The following LRCH2 variants were observed in gnomAD, a reference collection of about 807,000 sequenced individuals.
LRCH2 encodes the protein leucine-rich repeat and calponin homology domain-containing protein 2.
LRCH2 carries 38 observed loss-of-function variants against 68.9 expected under a neutral mutation model. The ratio of observed to expected loss-of-function variants is 0.55; its 90% CI spans 0.43 to 0.72. LRCH2 has a LOEUF of 0.72. Among genes scored for constraint, LRCH2 ranks in the 30% least tolerant of loss-of-function variants. LRCH2 has a pLI of 0.00. For missense variants in LRCH2, 528 were observed against 572.9 expected (o/e 0.92, Z 0.80); for synonymous variants, 191 against 208.1 (o/e 0.92, Z 0.71).
At chrX:115,169,567 T>C (rs1228765916) in intron 6 of LRCH2, among the ~76,000 whole-genome samples, 1 of 111,592 alleles carries the variant, frequency 9.0e-6, no homozygotes, top group Non-Finnish European at 1.9e-5. Context: ...CTGTTAACAA[T>C]AGTACTTACT....
intron 1 of LRCH2, among the ~76,000 whole-genome samples, chrX:115,195,223 G>T (rs2072878516): frequency 9.2e-6 from 1 of 108,997 alleles, no homozygotes; most frequent in African/African-American, 3.4e-5. Flanking sequence ...GGCAGAGATT[G>T]CAGTGAGCCG....
intron 5 of LRCH2, among the ~76,000 whole-genome samples, chrX:115,174,697 A>G (rs1207524706): frequency 9.1e-6 from 1 of 109,959 alleles, no homozygotes; most frequent in African/African-American, 3.3e-5. Flanking sequence ...TAATGTTGCA[A>G]TGAACATGGG....
intron 14 of LRCH2, chrX:115,138,918 AC>A (rs1168704837): frequency 8.9e-6 from 1 of 112,228 alleles, no homozygotes; most frequent in Admixed American, 9.5e-5. Flanking sequence ...AAGTTTTATT[AC>A]ATCTAAATTC....
chrX:115,218,248 TAATG>T (rs1332257323), intron 1 of LRCH2, among the ~76,000 whole-genome samples: 9 of 112,608 alleles, frequency 8.0e-5, no homozygotes, highest in Non-Finnish European at 1.5e-4. Context: ...TTATTCTGAT[TAATG>T]AAGTAACCAA....
chrX:115,146,380 T>C (rs1159897600), intron 14 of LRCH2, among the ~76,000 whole-genome samples: 1 of 110,699 alleles, frequency 9.0e-6, no homozygotes, highest in Non-Finnish European at 1.9e-5. Context: ...GGGGTGACTA[T>C]AGTCAATAAT....
intron 15 of LRCH2, among the ~76,000 whole-genome samples, chrX:115,127,375 T>C (rs1269393289): frequency 8.9e-6 from 1 of 111,949 alleles, no homozygotes; most frequent in Non-Finnish European, 1.9e-5. Flanking sequence ...ACTATTCTAC[T>C]GCCAACCAAA....
At chrX:115,181,008 G>A (rs1362395715) in intron 3 of LRCH2, among the ~76,000 whole-genome samples, 3 of 111,460 alleles carry the variant, frequency 2.7e-5, no homozygotes, top group Non-Finnish European at 5.6e-5. Context: ...GCAATAGTGG[G>A]GAGGGATACT....
intron 14 of LRCH2, among the ~76,000 whole-genome samples, chrX:115,143,519 C>G (rs1264132145): frequency 9.0e-6 from 1 of 111,169 alleles, no homozygotes; most frequent in Non-Finnish European, 1.9e-5. Flanking sequence ...TGCCTGGGAC[C>G]TGAGGGCTTC....
In LRCH2 at chrX:115,135,703, G is replaced by T. The variant is rs781990406; in HGVS notation, c.1696-5504C>A. 9.4e-4 allele frequency among the ~76,000 whole-genome samples: 104 copies of T among 111,215 alleles called. 2 individuals carry two copies. In the South Asian group the frequency reaches 0.039, roughly 42 times the overall value. On this transcript the variant is annotated intron_variant, in intron 14 of 20. Coordinates refer to ENST00000317135, the MANE Select transcript of LRCH2 (RefSeq NM_020871.4). ...ACGTAAAATGCTATCTAACAGCATC[G>T]CATGCTACAGAGAAATCTGTTGTGA...
intron 5 of LRCH2, among the ~76,000 whole-genome samples, chrX:115,178,798 C>A (rs1180999273): frequency 1.8e-5 from 2 of 112,265 alleles, no homozygotes; most frequent in Non-Finnish European, 3.8e-5. Context: ...CATAAAGTAC[C>A]ATTTCACTGC....
At position 115,173,570 on chromosome X, in the gene LRCH2, A is replaced by AC. The variant is rs200605697; in HGVS notation, c.865-3139dup. Among the ~76,000 whole-genome samples, 948 of 111,232 alleles carry AC rather than the reference A, an allele frequency of 8.5e-3. 13 individuals are homozygous for AC. Among genetic ancestry groups the AC allele is most frequent in the African/African-American group, 0.03 (908 of 30,582 alleles). ...CTGAACTTTTTACTGAAGCTATGCAACCCCCCCAGCCTTCCAAGAAGGTTT... is the reference window on the plus strand; with the variant it reads ...CTGAACTTTTTACTGAAGCTATGCAACCCCCCCCAGCCTTCCAAGAAGGTTT... On this transcript the variant is annotated intron_variant, in intron 5 of 20. Transcript: ENST00000317135.
At chrX:115,115,042 T>A (rs1363247567) in intron 20 of LRCH2, among the ~76,000 whole-genome samples, 2 of 110,935 alleles carry the variant, frequency 1.8e-5, no homozygotes, top group Non-Finnish European at 3.8e-5. Flanking sequence ...CAAAACACTG[T>A]TGGAATAAAA....
At chrX:115,141,823 G>A (rs1375230876) in intron 14 of LRCH2, among the ~76,000 whole-genome samples, 1 of 102,289 alleles carries the variant, frequency 9.8e-6, no homozygotes, top group Non-Finnish European at 2.0e-5. Flanking sequence ...GCAGTGAGCC[G>A]AGATCATGCC....
chrX:115,165,945 T>A lies in LRCH2; in HGVS notation c.1094A>T (p.Asp365Val). Residue 365 changes from aspartate to valine, a missense_variant, in exon 8 of 21, where the codon GAT becomes GTT. Transcript: ENST00000317135. The stretch of plus-strand genomic sequence containing the variant: ...AGAATGAAGGCTGACTGTGTCATCA[T>A]CTGATGGCTAAAAGGAATAAGCAAA... ...EKRLSTTEPS[D>V]DDTVSLHSQV... 8.7e-7 allele frequency: 1 copy of A among 1,146,110 alleles called. No individual in the cohort carries two copies. The highest frequency in any genetic ancestry group is 1.2e-6 in the Non-Finnish European group (1 of 853,856). The allele number at this position is 1,146,110 out of a possible 1,213,427, so 94.5% of individuals were successfully genotyped here.
intron 1 of LRCH2, among the ~76,000 whole-genome samples, chrX:115,217,905 T>C (rs2073052299): frequency 8.9e-6 from 1 of 112,304 alleles, no homozygotes; most frequent in Admixed American, 9.4e-5. Context: ...TTCCTGACTT[T>C]TTAATGATCA....
chrX:115,192,376 G>A, intron 1 of LRCH2: 1 of 1,159,917 alleles, frequency 8.6e-7, no homozygotes, highest in African/African-American at 1.8e-5. Flanking sequence ...CCGCTACGGA[G>A]GAGGAGGCCA....
chrX:115,129,075 T>C (rs782498456), intron 15 of LRCH2, among the ~76,000 whole-genome samples: 1 of 111,930 alleles, frequency 8.9e-6, no homozygotes, highest in Non-Finnish European at 1.9e-5. Context: ...ATTGGGTTTA[T>C]GAGATATATC....
chrX:115,187,240 A>G (rs2072739811), intron 2 of LRCH2, among the ~76,000 whole-genome samples: 2 of 112,155 alleles, frequency 1.8e-5, no homozygotes, highest in Non-Finnish European at 3.8e-5. Flanking sequence ...AGAAGGGAAC[A>G]TTATCATTTA....
chrX:115,221,271 A>G (rs2073083585), intron 1 of LRCH2, among the ~76,000 whole-genome samples: 1 of 102,803 alleles, frequency 9.7e-6, no homozygotes, highest in East Asian at 2.9e-4. Context: ...CCAAACTGTT[A>G]AAGTTTAATA....
Sources: allele counts gnomAD v4.1 joint callset (sites outside exome capture counted in the v4.1 genomes callset), GRCh38; gene constraint gnomAD v4.1.1; transcripts MANE v1.5; gene names NCBI Gene and HGNC (gene_info 2026-07-23, HGNC 2026-07-21).